Variants in MAPK10 observed in about 807,000 individuals in gnomAD.
The protein encoded by MAPK10 is mitogen-activated protein kinase 10, also known as JNK3 alpha protein kinase.
Under a neutral mutation model 59.3 loss-of-function variants are expected in MAPK10, and 25 were observed. That is an observed-to-expected ratio of 0.42 (90% CI 0.31 to 0.59). The LOEUF (loss-of-function observed/expected upper bound fraction) is 0.59, where lower values mean the gene tolerates loss of function less well. MAPK10 is among the 20% of genes least tolerant of loss of function. The probability of loss-of-function intolerance (pLI) is 0.15; values close to 1 mark genes in which losing one functional copy is unlikely to be tolerated. For synonymous variants in MAPK10, 190 were observed against 200.5 expected (o/e 0.95, Z 0.44); for missense variants, 351 against 568.9 (o/e 0.62, Z 3.90).
intron 2 of MAPK10, among the ~76,000 whole-genome samples, chr4:86,310,490 G>A (rs531319553): frequency 2.1e-4 from 32 of 152,140 alleles, no homozygotes; most frequent in Middle Eastern, 3.4e-3. Flanking sequence ...AGTAATATAC[G>A]ACTGAATGAC....
chr4:86,195,879 C>T lies in MAPK10; in HGVS notation c.-6-1472G>A, dbSNP rs563933183. 4.6e-4 allele frequency among the ~76,000 whole-genome samples: 70 copies of T among 152,236 alleles called. 3 individuals carry two copies. Among genetic ancestry groups the T allele is most frequent in the East Asian group, 2.3e-3 (12 of 5,174 alleles). On this transcript the variant is annotated intron_variant, in intron 2 of 13. Transcript: ENST00000641462. ...ATGATGGTTTCCAGCTTCATCCATG[C>T]CCCTGCAAAGGACATGAACTCATCC...
intron 1 of MAPK10, among the ~76,000 whole-genome samples, chr4:86,470,868 C>T (rs538618838): frequency 1.3e-5 from 2 of 152,226 alleles, no homozygotes; most frequent in Admixed American, 1.3e-4. Flanking sequence ...AACCAAAAGT[C>T]AGGTGACTCA....
Position 86,265,988 on chromosome 4 carries a change from T to C in MAPK10, c.-6-71581A>G, listed in dbSNP as rs144615431. On this transcript the variant is annotated intron_variant, in intron 2 of 13. Coordinates refer to ENST00000641462, the MANE Select transcript of MAPK10 (RefSeq NM_138982.4). ...ACACAGACATCAGCATTTTCGCATC[T>C]AACAATATAGTTGCCTCATAAACAG... is the stretch of plus-strand genomic sequence containing the variant. 5.8e-3 allele frequency among the ~76,000 whole-genome samples: 879 copies of C among 152,178 alleles called. 7 individuals carry two copies. The highest frequency in any genetic ancestry group is 0.02 in the African/African-American group (827 of 41,556).
chr4:86,043,511 TATA>T, intron 11 of MAPK10, among the ~76,000 whole-genome samples: 1 of 152,334 alleles, frequency 6.6e-6, no homozygotes, highest in South Asian at 2.1e-4. Flanking sequence ...GAGACTTGGC[TATA>T]AAGCTATAAG....
chr4:86,117,293 A>G (rs775571783), intron 4 of MAPK10, among the ~76,000 whole-genome samples: 2 of 152,200 alleles, frequency 1.3e-5, no homozygotes, highest in Non-Finnish European at 2.9e-5. Flanking sequence ...CGCTGTAGCC[A>G]TACAGTTCTC....
At chr4:86,574,978 G>A (rs1351343218) in intron 1 of MAPK10, among the ~76,000 whole-genome samples, 2 of 152,172 alleles carry the variant, frequency 1.3e-5, no homozygotes, top group African/African-American at 4.8e-5. Context: ...ATGTGTCTAT[G>A]AGGATGTATT....
At chr4:86,509,569 AT>A (rs1436411713) in intron 1 of MAPK10, among the ~76,000 whole-genome samples, 1 of 152,156 alleles carries the variant, frequency 6.6e-6, no homozygotes, top group African/African-American at 2.4e-5. Context: ...TTACTAAAAA[AT>A]TTAAGGCAAC....
chr4:86,524,587 T>G (rs545050558), intron 1 of MAPK10, among the ~76,000 whole-genome samples: 2 of 152,336 alleles, frequency 1.3e-5, no homozygotes, highest in South Asian at 4.1e-4. Context: ...ATACTAGGGT[T>G]GCCAGGTAAG....
chr4:86,481,047 A>T (rs1179678663), intron 1 of MAPK10, among the ~76,000 whole-genome samples: 1 of 152,198 alleles, frequency 6.6e-6, no homozygotes, highest in Admixed American at 6.5e-5. Flanking sequence ...CAAGACCTCT[A>T]TAGAATGAGG....
intron 13 of MAPK10, among the ~76,000 whole-genome samples, chr4:86,021,414 C>A (rs1018694034): frequency 1.3e-5 from 2 of 152,076 alleles, no homozygotes; most frequent in African/African-American, 2.4e-5. Context: ...CAGCTAAATA[C>A]AGAGTGTCGA....
chr4:86,035,770 A>G (rs1043066866), intron 11 of MAPK10, among the ~76,000 whole-genome samples: 1 of 152,166 alleles, frequency 6.6e-6, no homozygotes, highest in African/African-American at 2.4e-5. Context: ...TAGAGAATGG[A>G]AAAGGGGAAA....
intron 1 of MAPK10, among the ~76,000 whole-genome samples, chr4:86,366,279 G>A (rs1318240728): frequency 6.6e-6 from 1 of 152,118 alleles, no homozygotes; most frequent in Non-Finnish European, 1.5e-5. Context: ...TAGCAAGAGG[G>A]AAATTTCTAT....
chr4:86,484,220 C>T (rs1001447808), intron 1 of MAPK10, among the ~76,000 whole-genome samples: 55 of 152,126 alleles, frequency 3.6e-4, no homozygotes, highest in African/African-American at 1.1e-3. Flanking sequence ...GAATAAATAT[C>T]CTTTATTGAG....
At chr4:86,173,664 A>G (rs1200472257) in intron 3 of MAPK10, among the ~76,000 whole-genome samples, 1 of 151,986 alleles carries the variant, frequency 6.6e-6, no homozygotes, top group Non-Finnish European at 1.5e-5. Context: ...GGTGCACAGC[A>G]AAAGAAACTA....
chr4:86,296,630 T>C (rs528268442), intron 2 of MAPK10, among the ~76,000 whole-genome samples: 1 of 152,316 alleles, frequency 6.6e-6, no homozygotes, highest in Non-Finnish European at 1.5e-5. Context: ...TTCTTTGCCC[T>C]GAATGATTTA....
At chr4:86,138,661 A>G (rs1327422351) in intron 4 of MAPK10, among the ~76,000 whole-genome samples, 4 of 149,948 alleles carry the variant, frequency 2.7e-5, no homozygotes, top group African/African-American at 9.8e-5. Context: ...CTCCTATTCA[A>G]CATAGTGTTG....
intron 9 of MAPK10, among the ~76,000 whole-genome samples, chr4:86,085,697 A>G (rs931939009): frequency 1.3e-5 from 2 of 152,140 alleles, no homozygotes; most frequent in African/African-American, 2.4e-5. Context: ...TTCCTCAAAA[A>G]ACTAAAAATA....
At chr4:86,130,969 A>G (rs1395654218) in intron 4 of MAPK10, among the ~76,000 whole-genome samples, 1 of 152,130 alleles carries the variant, frequency 6.6e-6, no homozygotes, top group Non-Finnish European at 1.5e-5. Context: ...CTGAACAAGT[A>G]TTTTAATTTT....
In MAPK10 at chr4:86,339,960, G is replaced by A. The variant is rs551077944; in HGVS notation, c.-7+14570C>T. 1.8e-4 allele frequency among the ~76,000 whole-genome samples: 28 copies of A among 152,280 alleles called. No homozygotes were observed. The South Asian group carries it at 4.8e-3, about 26-fold the overall frequency. ...CTGTACCAATTTACATGAAACAGAG[G>A]CTCAGAAATGTGAATCCACAAATTA... On this transcript the variant is annotated intron_variant, in intron 2 of 13. Coordinates refer to ENST00000641462, the MANE Select transcript of MAPK10 (RefSeq NM_138982.4).
Sources: gnomAD v4.1 joint callset for allele counts (sites outside exome capture counted in the v4.1 genomes callset) on GRCh38, gnomAD v4.1.1 for gene constraint, MANE v1.5 for transcripts, NCBI Gene and HGNC (gene_info 2026-07-23, HGNC 2026-07-21) for gene names.